EXOC4: variants seen among roughly 807,000 people sequenced by gnomAD.
EXOC4 encodes exocyst complex component 4.
EXOC4 carries 71 observed loss-of-function variants against 107.2 expected under a neutral mutation model. The observed-to-expected ratio is 0.66, with a 90% CI of 0.55 to 0.81. EXOC4 has a LOEUF of 0.81. Among genes scored for constraint, EXOC4 ranks in the 30% least tolerant of loss-of-function variants. EXOC4 has a pLI of 0.00. For missense variants in EXOC4, 1,108 were observed against 1,189.6 expected, an observed-to-expected ratio of 0.93 and a Z score of 1.01; for synonymous variants, 456 against 441.2, an observed-to-expected ratio of 1.03 and a Z score of -0.42.
At chr7:133,986,021 A>C (rs1468172684) in intron 14 of EXOC4, among the ~76,000 whole-genome samples, 3 of 152,200 alleles carry the variant, frequency 2.0e-5, no homozygotes, top group Non-Finnish European at 4.4e-5. Flanking sequence ...TGAGATGTAA[A>C]AGGATTCATT....
intron 11 of EXOC4, among the ~76,000 whole-genome samples, chr7:133,820,154 A>ATTTTTTTTTTTTTTTT (rs35640945): frequency 4.3e-5 from 3 of 70,300 alleles, no homozygotes; most frequent in Admixed American, 1.8e-4. Context: ...CACCTGCTTC[A>ATTTTTTTTTTTTTTTT]TTTTTTTTTT....
At chr7:133,355,566 A>G (rs1236941949) in intron 5 of EXOC4, among the ~76,000 whole-genome samples, 2 of 152,152 alleles carry the variant, frequency 1.3e-5, no homozygotes, top group South Asian at 2.1e-4. Flanking sequence ...CACAGGGGTT[A>G]AAAACTAAAG....
At position 133,714,153 on chromosome 7, in the gene EXOC4, T is replaced by C. The variant is rs1357486383; in HGVS notation, c.1514+84012T>C. Among the ~76,000 whole-genome samples, 4 of 152,122 alleles carry C rather than the reference T, an allele frequency of 2.6e-5. No homozygotes were observed. In the East Asian group the frequency reaches 5.8e-4, roughly 22 times the overall value. The stretch of plus-strand genomic sequence containing the variant: ...AGAGTTTTTTCTGCAAAAAACTCTT[T>C]TGCAGTTTAAAGGGAAGATAACCTG... On this transcript the variant is annotated intron_variant, in intron 10 of 17. Transcript: ENST00000253861.
intron 14 of EXOC4, among the ~76,000 whole-genome samples, chr7:133,959,530 G>T (rs1800893201): frequency 6.6e-6 from 1 of 151,588 alleles, no homozygotes; most frequent in Admixed American, 6.6e-5. Flanking sequence ...AGAAAAAAAG[G>T]AGAGAAAATA....
At chr7:133,695,968 G>T (rs893045196) in intron 10 of EXOC4, among the ~76,000 whole-genome samples, 10 of 152,128 alleles carry the variant, frequency 6.6e-5, no homozygotes, top group Non-Finnish European at 1.5e-4. Flanking sequence ...TATAAATATG[G>T]TTCAAATGTT....
At chr7:134,054,008 T>C (rs1468256842) in intron 17 of EXOC4, among the ~76,000 whole-genome samples, 1 of 152,136 alleles carries the variant, frequency 6.6e-6, no homozygotes, top group Non-Finnish European at 1.5e-5. Context: ...TGCAATGCCA[T>C]GATCTTGGCT....
chr7:133,646,730 G>A (rs1419616483), intron 10 of EXOC4, among the ~76,000 whole-genome samples: 1 of 152,148 alleles, frequency 6.6e-6, no homozygotes, highest in Non-Finnish European at 1.5e-5. Flanking sequence ...ACCAGGCCTG[G>A]AGAAGTTTAC....
intron 17 of EXOC4, among the ~76,000 whole-genome samples, chr7:134,043,003 T>C (rs1795556424): frequency 6.6e-6 from 1 of 152,214 alleles, no homozygotes; most frequent in Admixed American, 6.5e-5. Flanking sequence ...ATTGTGCCAC[T>C]ACACTCCAGC....
At chr7:133,491,563 T>G (rs1799371509) in intron 9 of EXOC4, among the ~76,000 whole-genome samples, 1 of 152,162 alleles carries the variant, frequency 6.6e-6, no homozygotes, top group South Asian at 2.1e-4. Context: ...GCTGGTTAGT[T>G]CTTAGGGCTG....
At chr7:134,004,278 A>G (rs373467637) in intron 15 of EXOC4, among the ~76,000 whole-genome samples, 3 of 152,162 alleles carry the variant, frequency 2.0e-5, no homozygotes, top group African/African-American at 2.4e-5. Flanking sequence ...AGTACTTACT[A>G]TGCACGCCAT....
intron 7 of EXOC4, among the ~76,000 whole-genome samples, chr7:133,380,687 A>T (rs1796599344): frequency 6.6e-6 from 1 of 152,200 alleles, no homozygotes. Context: ...TAAGACACTA[A>T]AAGAGGTATC....
intron 10 of EXOC4, among the ~76,000 whole-genome samples, chr7:133,693,408 G>A (rs1324038283): frequency 6.6e-6 from 1 of 152,114 alleles, no homozygotes; most frequent in Non-Finnish European, 1.5e-5. Context: ...CTGATTAGAT[G>A]GTGCCCACCC....
intron 4 of EXOC4, among the ~76,000 whole-genome samples, chr7:133,313,466 GCTA>G (rs1794922228): frequency 6.6e-6 from 1 of 152,042 alleles, no homozygotes. Flanking sequence ...AGCTGTTCTG[GCTA>G]TATAAGTGAA....
At chr7:133,455,252 A>G (rs1317473727) in intron 7 of EXOC4, among the ~76,000 whole-genome samples, 4 of 152,178 alleles carry the variant, frequency 2.6e-5, no homozygotes, top group African/African-American at 9.7e-5. Flanking sequence ...GGCCAGTACA[A>G]GATTTCATCA....
At chr7:133,835,217 C>T (rs1189020694) in intron 11 of EXOC4, among the ~76,000 whole-genome samples, 1 of 152,092 alleles carries the variant, frequency 6.6e-6, no homozygotes, top group Non-Finnish European at 1.5e-5. Context: ...AGTCATGAAG[C>T]CCAAATATCT....
the EXOC4 span, among the ~76,000 whole-genome samples, chr7:134,085,665 A>G: frequency 6.6e-6 from 1 of 152,142 alleles, no homozygotes; most frequent in Non-Finnish European, 1.5e-5. Flanking sequence ...CATTCACAGG[A>G]TGTTGTTGTC....
intron 17 of EXOC4, chr7:134,010,381 G>C (rs1325190862): frequency 1.3e-5 from 2 of 152,210 alleles, no homozygotes; most frequent in South Asian, 4.1e-4. Context: ...TATCTTCCTT[G>C]CAGTTCGTTC....
At chr7:134,073,052 A>T in the EXOC4 span, among the ~76,000 whole-genome samples, 1 of 151,716 alleles carries the variant, frequency 6.6e-6, no homozygotes, top group Admixed American at 6.6e-5. Flanking sequence ...TAAAAATACA[A>T]AAAGTTAGCC....
chr7:133,454,446 G>A (rs1039529915), intron 7 of EXOC4, among the ~76,000 whole-genome samples: 7 of 152,096 alleles, frequency 4.6e-5, no homozygotes, highest in African/African-American at 1.2e-4. Flanking sequence ...ACAGTTGTGC[G>A]CCACCATGCC....
Sources: allele counts gnomAD v4.1 joint callset (sites outside exome capture counted in the v4.1 genomes callset), GRCh38; gene constraint gnomAD v4.1.1; transcripts MANE v1.5; gene names NCBI Gene and HGNC (gene_info 2026-07-23, HGNC 2026-07-21).